The following COL5A1 variants were observed in gnomAD, a reference collection of about 807,000 sequenced individuals.
The protein encoded by COL5A1 is collagen type V alpha 1 chain, also known as collagen alpha-1(V) chain.
COL5A1 carries 16 observed loss-of-function variants against 263.7 expected under a neutral mutation model. The observed-to-expected ratio is 0.06, with a 90% CI of 0.04 to 0.09. The LOEUF is 0.09. COL5A1 is among the 10% of genes least tolerant of loss of function. The pLI is 1.00. For missense variants in COL5A1, 2,036 were observed against 2,540.5 expected (o/e 0.80, Z 4.27); for synonymous variants, 1,012 against 1,004.5 (o/e 1.01, Z -0.14).
At chr9:134,751,001 A>C (rs1445261125) in intron 13 of COL5A1, 119 bp downstream of exon 13, 2 of 885,632 alleles carry the variant, frequency 2.3e-6, no homozygotes, top group Non-Finnish European at 3.7e-6. Context: ...TCTTGATCCC[A>C]GAATGCCTGC....
At chr9:134,685,044 A>ATCCACCAT (rs1832972328) in intron 1 of COL5A1, among the ~76,000 whole-genome samples, 6 of 72,458 alleles carry the variant, frequency 8.3e-5, no homozygotes, top group Admixed American at 3.1e-4. Flanking sequence ...TCATCCATCC[A>ATCCACCAT]CCATCCATCC....
At chr9:134,760,801 C>T (rs977797214) in intron 18 of COL5A1, among the ~76,000 whole-genome samples, 1 of 148,148 alleles carries the variant, frequency 6.8e-6, no homozygotes, top group Non-Finnish European at 1.5e-5. Flanking sequence ...CACGCATACA[C>T]CCTGACACAC....
At chr9:134,717,158 T>C (rs1282720147) in intron 4 of COL5A1, among the ~76,000 whole-genome samples, 1 of 152,128 alleles carries the variant, frequency 6.6e-6, no homozygotes, top group Non-Finnish European at 1.5e-5. Flanking sequence ...GTCTCCTACG[T>C]GCGCAGCGCT....
chr9:134,666,043 C>T (rs1373242957), intron 1 of COL5A1, among the ~76,000 whole-genome samples: 4 of 152,030 alleles, frequency 2.6e-5, no homozygotes, highest in South Asian at 4.2e-4. Context: ...GCCGAGATCG[C>T]GCCACTGCAC....
rs201335857 is a variant in COL5A1 at position 134,818,883 on chromosome 9, C to A, written c.4374C>A (p.Asp1458Glu). Residue 1458 changes from aspartate to glutamate, a missense_variant, in exon 56 of 66, where the codon GAC (aspartate) becomes GAA (glutamate). This residue lies in a region of COL5A1 where 1,078 missense variants were observed against 1,521.4 expected (regional missense o/e 0.71). Coordinates refer to ENST00000371817, the MANE Select transcript of COL5A1 (RefSeq NM_000093.5). The surrounding 1 kb of genome is among the most constrained non-coding windows in gnomAD (Gnocchi z 6.0). ...GTCTCCCAGGATCCCCAGGCCCGGA[C>A]GGTCCCCCCGGCCCCATGGTGAGTC... Reference protein sequence around the residue: ...EQGLPGSPGPDGPPGPMGPPG... With the variant: ...EQGLPGSPGPEGPPGPMGPPG... 1 of 1,612,954 alleles carries A rather than the reference C, an allele frequency of 6.2e-7. No homozygotes were observed. Among genetic ancestry groups the A allele is most frequent in the Admixed American group, 1.7e-5 (1 of 60,016 alleles).
In COL5A1 at chr9:134,818,782, G is replaced by T. The variant is rs201715025; in HGVS notation, c.4338+19G>T. On this transcript the variant is annotated intron_variant, in intron 55 of 65. Transcript: ENST00000371817. The surrounding 1 kb of genome is among the most constrained non-coding windows in gnomAD (Gnocchi z 6.0). ...CCCTGTGGTGAGTAGGCTGTGAGGG[G>T]CAGAGGGGTTGCCGAGTGGAGGGAC... 2 of 1,612,342 alleles carry T rather than the reference G, an allele frequency of 1.2e-6. No homozygotes were observed. Among genetic ancestry groups the T allele is most frequent in the Admixed American group, 3.3e-5 (2 of 59,988 alleles).
chr9:134,695,525 C>T (rs557099344), intron 2 of COL5A1, among the ~76,000 whole-genome samples: 8 of 152,316 alleles, frequency 5.3e-5, no homozygotes, highest in South Asian at 2.1e-4. Context: ...ATGGAGGCAG[C>T]GGTGGGAGGG....
At chr9:134,692,166 C>T (rs1410446681) in intron 2 of COL5A1, among the ~76,000 whole-genome samples, 2 of 152,288 alleles carry the variant, frequency 1.3e-5, no homozygotes, top group African/African-American at 2.4e-5. Flanking sequence ...GAAACACCTT[C>T]GAGGCACCGA....
At chr9:134,826,778 A>G (rs1024988806) in intron 63 of COL5A1, among the ~76,000 whole-genome samples, 1 of 129,754 alleles carries the variant, frequency 7.7e-6, no homozygotes, top group Non-Finnish European at 1.6e-5. Flanking sequence ...GGGTGTGTAG[A>G]TGGTGTTTGG....
intron 26 of COL5A1, among the ~76,000 whole-genome samples, chr9:134,773,939 T>C (rs1315427491): frequency 6.6e-6 from 1 of 152,140 alleles, no homozygotes; most frequent in Non-Finnish European, 1.5e-5. Flanking sequence ...TCCCGCTGCC[T>C]CCAGTGGGGA....
chr9:134,662,183 T>C (rs1199323730), intron 1 of COL5A1, among the ~76,000 whole-genome samples: 1 of 150,276 alleles, frequency 6.7e-6, no homozygotes, highest in African/African-American at 2.5e-5. Flanking sequence ...AGGAGGGTAG[T>C]CTGGTCTCTT....
Position 134,755,765 on chromosome 9 carries a change from G to T in COL5A1, c.1828-1000G>T, listed in dbSNP as rs971452078. Among the ~76,000 whole-genome samples the T allele has an allele frequency of 6.6e-6, 1 of 152,198 alleles. No homozygotes were observed. Among genetic ancestry groups the T allele is most frequent in the African/African-American group, 2.4e-5 (1 of 41,456 alleles). ...CTTTTTGGGGAGCAACGGGAGCACC[G>T]ACTGTCTCCTTGGGGTGTGTTTGGA... On this transcript the variant is annotated intron_variant, in intron 16 of 65. Transcript: ENST00000371817. This position sits in a 1 kb window ranked among gnomAD's most constrained non-coding sequence, Gnocchi z 4.1.
intron 18 of COL5A1, among the ~76,000 whole-genome samples, chr9:134,759,279 T>C (rs1370282680): frequency 1.4e-5 from 2 of 140,042 alleles, no homozygotes; most frequent in East Asian, 2.4e-4. Flanking sequence ...CATACACACA[T>C]GCACACACAC....
chr9:134,688,963 T>C (rs949993097), intron 1 of COL5A1, among the ~76,000 whole-genome samples: 2 of 151,076 alleles, frequency 1.3e-5, no homozygotes, highest in African/African-American at 4.8e-5. Flanking sequence ...TTCCCTGCAC[T>C]GTCAGCTGGT....
chr9:134,669,722 C>T (rs540813214), intron 1 of COL5A1, among the ~76,000 whole-genome samples: 6 of 152,246 alleles, frequency 3.9e-5, no homozygotes, highest in Admixed American at 2.0e-4. Context: ...CAGCCTACCA[C>T]GCCGGAGGAA....
At chr9:134,679,395 G>T (rs1309969691) in intron 1 of COL5A1, among the ~76,000 whole-genome samples, 1 of 130,274 alleles carries the variant, frequency 7.7e-6, no homozygotes. Context: ...GGGGCACTGT[G>T]GGGCTTCTTA....
chr9:134,840,142 A>G lies in COL5A1; in HGVS notation c.5371-2015A>G, dbSNP rs143559776. Among the ~76,000 whole-genome samples the G allele has an allele frequency of 7.9e-5, 12 of 152,392 alleles. No homozygotes were observed. The East Asian group carries it at 1.9e-3, about 24-fold the overall frequency. ...GCAGATTCCGAGTCCCACCCCAGCC[A>G]GACGGAGTCAGCCTCTCTGGGCAGG... On this transcript the variant is annotated intron_variant, in intron 65 of 65. Transcript: ENST00000371817.
Position 134,732,127 on chromosome 9 carries a change from G to A in COL5A1, c.1389G>A (p.Pro463=), listed in dbSNP as rs1057518771. 15 of 1,614,108 alleles carry A rather than the reference G, an allele frequency of 9.3e-6. No individual in the cohort carries two copies. The highest frequency in any genetic ancestry group is 2.2e-5 in the East Asian group (1 of 44,902). ...AGGGAGAACCAGCGATTATCGAGCCGGTGAGGACATTTTCTCATTCCCTCC... is the reference window on the plus strand; with the variant it reads ...AGGGAGAACCAGCGATTATCGAGCCAGTGAGGACATTTTCTCATTCCCTCC... ...GQKGEPAIIE[P]GMLIEGPPGP... The change falls in exon 9 of 66, where the codon CCG becomes CCA. Residue 463 remains proline (P), a splice_region_variant and synonymous_variant. Coordinates refer to ENST00000371817, the MANE Select transcript of COL5A1 (RefSeq NM_000093.5).
intron 1 of COL5A1, among the ~76,000 whole-genome samples, chr9:134,658,848 C>T (rs1384000591): frequency 4.6e-5 from 7 of 152,274 alleles, no homozygotes; most frequent in South Asian, 2.1e-4. Context: ...CTCCGGAGCC[C>T]GGAAACTGAA....
Sources: allele counts gnomAD v4.1 joint callset (sites outside exome capture counted in the v4.1 genomes callset), GRCh38; gene constraint gnomAD v4.1.1; regional missense constraint gnomAD v4.1.1; non-coding constraint Gnocchi (gnomAD v3.1); transcripts MANE v1.5; gene names NCBI Gene and HGNC (gene_info 2026-07-23, HGNC 2026-07-21).